SVOP: variants seen among roughly 807,000 people sequenced by gnomAD.
The protein encoded by SVOP is synaptic vesicle 2-related protein.
A neutral mutation model predicts 69.1 loss-of-function variants in SVOP; 17 were observed. That is an observed-to-expected ratio of 0.25 (90% CI 0.17 to 0.37). The LOEUF is 0.37. Ranked by LOEUF, SVOP falls within the 10% of genes least tolerant of loss-of-function variation. The pLI is 1.00. For synonymous variants in SVOP, 238 were observed against 238.6 expected (o/e 1.00, Z 0.02); for missense variants, 435 against 597.5 (o/e 0.73, Z 2.84).
intron 11 of SVOP, among the ~76,000 whole-genome samples, chr12:108,925,073 CT>C (rs979041236): frequency 7.2e-5 from 11 of 152,230 alleles, no homozygotes; most frequent in Non-Finnish European, 1.5e-4. Flanking sequence ...GTAAGGCCCC[CT>C]GATCCTCAAG....
chr12:108,917,125 T>C (rs2039718894), intron 14 of SVOP, among the ~76,000 whole-genome samples: 1 of 152,236 alleles, frequency 6.6e-6, no homozygotes, highest in African/African-American at 2.4e-5. Context: ...TTAGCTAACA[T>C]GTTTTAACAA....
In SVOP at chr12:108,929,289, A is replaced by ATATT. The variant is rs200613000; in HGVS notation, c.1048+4902_1048+4905dup. Among the ~76,000 whole-genome samples the ATATT allele has an allele frequency of 8.0e-3, 1,224 of 152,240 alleles. 25 individuals are homozygous for ATATT. Among genetic ancestry groups the ATATT allele is most frequent in the African/African-American group, 0.028 (1,173 of 41,534 alleles). On this transcript the variant is annotated intron_variant, in intron 11 of 15. Transcript: ENST00000610966. Reference sequence around the variant, plus strand: ...TGCCTTCAGCAATAGTCCTTTTTAAATATTTATTTATTTAGTTAGTTAGTT... The same window carrying ATATT: ...TGCCTTCAGCAATAGTCCTTTTTAAATATTTATTTATTTATTTAGTTAGTTAGTT...
At chr12:108,966,887 G>T (rs2040048673) in intron 5 of SVOP, among the ~76,000 whole-genome samples, 1 of 152,140 alleles carries the variant, frequency 6.6e-6, no homozygotes, top group African/African-American at 2.4e-5. Flanking sequence ...AGCCAGGTGT[G>T]CCTGTATTTC....
intron 1 of SVOP, among the ~76,000 whole-genome samples, chr12:108,984,469 T>G (rs2040157195): frequency 6.9e-6 from 1 of 144,024 alleles, no homozygotes; most frequent in African/African-American, 2.5e-5. Context: ...CCCCAACCCC[T>G]GTTTTAGATG....
In SVOP at chr12:108,962,339, T is replaced by C. The variant is rs149936539; in HGVS notation, c.454-1292A>G. Among the ~76,000 whole-genome samples the C allele has an allele frequency of 3.0e-3, 454 of 152,312 alleles. 2 individuals are homozygous for C. Among genetic ancestry groups the C allele is most frequent in the African/African-American group, 0.01 (429 of 41,572 alleles). Reference sequence around the variant, plus strand: ...TTCTCAAACTCCTGGGATCAAGTGATCCACCCACCTCAGCCTCCCAAAGTG... The same window carrying C: ...TTCTCAAACTCCTGGGATCAAGTGACCCACCCACCTCAGCCTCCCAAAGTG... On this transcript the variant is annotated intron_variant, in intron 5 of 15. Coordinates refer to ENST00000610966, the MANE Select transcript of SVOP (RefSeq NM_018711.5).
At chr12:108,924,237 C>T (rs370384476) in intron 11 of SVOP, among the ~76,000 whole-genome samples, 19 of 152,116 alleles carry the variant, frequency 1.2e-4, no homozygotes, top group South Asian at 1.0e-3. Context: ...GACTTCCCAG[C>T]CCCCCAGGAC....
intron 5 of SVOP, among the ~76,000 whole-genome samples, chr12:108,970,470 G>A (rs2137429313): frequency 6.6e-6 from 1 of 152,278 alleles, no homozygotes; most frequent in East Asian, 1.9e-4. Context: ...TTTATTTTCA[G>A]CCCATGATTT....
chr12:109,010,755 G>A (rs1253348119), intron 1 of SVOP, among the ~76,000 whole-genome samples: 1 of 152,130 alleles, frequency 6.6e-6, no homozygotes, highest in Non-Finnish European at 1.5e-5. Context: ...TCCTGCCTTG[G>A]CCTCCCAAAG....
At chr12:108,931,736 A>G (rs1370996130) in intron 11 of SVOP, among the ~76,000 whole-genome samples, 4 of 152,042 alleles carry the variant, frequency 2.6e-5, no homozygotes. Flanking sequence ...CGGGAGGCTG[A>G]GGCAGGAGAA....
At chr12:109,005,848 G>A (rs1179158525) in intron 1 of SVOP, among the ~76,000 whole-genome samples, 1 of 152,150 alleles carries the variant, frequency 6.6e-6, no homozygotes, top group Admixed American at 6.5e-5. Flanking sequence ...AGGGAACAGA[G>A]GTCAGAGAGA....
In SVOP at chr12:108,964,008, T is replaced by A. The variant is rs138543465; in HGVS notation, c.454-2961A>T. ...TTCCAAAAATATATTACAATTTTTTTATTAGCCCCATGTTACAAGTGATCG... is the reference window on the plus strand; with the variant it reads ...TTCCAAAAATATATTACAATTTTTTAATTAGCCCCATGTTACAAGTGATCG... On this transcript the variant is annotated intron_variant, in intron 5 of 15. Coordinates refer to ENST00000610966, the MANE Select transcript of SVOP (RefSeq NM_018711.5). 8.2e-3 allele frequency among the ~76,000 whole-genome samples: 1,245 copies of A among 152,290 alleles called. 8 individuals are homozygous for A. Among genetic ancestry groups the A allele is most frequent in the South Asian group, 0.021 (102 of 4,824 alleles).
chr12:108,989,050 G>A (rs554788290), intron 1 of SVOP, among the ~76,000 whole-genome samples: 12 of 152,208 alleles, frequency 7.9e-5, no homozygotes, highest in Non-Finnish European at 1.2e-4. Context: ...TGGTATTACA[G>A]GCATGAGCCA....
rs574014160 is a variant in SVOP at position 108,921,160 on chromosome 12, G to A, written c.1157-1374C>T. Among the ~76,000 whole-genome samples, 11 of 152,296 alleles carry A rather than the reference G, an allele frequency of 7.2e-5. 1 individual carries two copies. In the South Asian group the frequency reaches 2.3e-3, roughly 32 times the overall value. On this transcript the variant is annotated intron_variant, in intron 12 of 15. Transcript: ENST00000610966. ...TCCAGTTACAGAAATGTCATGTAAT[G>A]TGACTTTCTTAAAGTCACAGAAATG...
intron 1 of SVOP, among the ~76,000 whole-genome samples, 198 bp from the exon 2 acceptor site, chr12:108,983,959 C>T (rs2040154952): frequency 6.6e-6 from 1 of 152,146 alleles, no homozygotes; most frequent in Non-Finnish European, 1.5e-5. Flanking sequence ...TCAGGACTGC[C>T]ATATACAGTT....
chr12:108,962,427 T>G (rs2040023039), intron 5 of SVOP, among the ~76,000 whole-genome samples: 2 of 152,164 alleles, frequency 1.3e-5, no homozygotes, highest in Admixed American at 1.3e-4. Flanking sequence ...CGTGAATGAC[T>G]AGGTTATTTT....
Position 109,020,758 on chromosome 12 carries a change from C to G in SVOP, c.35+76G>C. ...CAAGAAACCATGCAGAGATGTACCC[C>G]CCCCCACCCCCCTTGCAGGTTTTCG... On this transcript the variant is annotated intron_variant, in intron 1 of 15. Transcript: ENST00000610966. 1.4e-5 allele frequency: 4 copies of G among 293,768 alleles called. 2 individuals carry two copies. The highest frequency in any genetic ancestry group is 9.6e-5 in the Admixed American group (2 of 20,760). The allele number at this position is 293,768 out of a possible 1,614,324, so 18.2% of individuals were successfully genotyped here.
At chr12:108,968,744 T>TTGTG (rs554473073) in intron 5 of SVOP, among the ~76,000 whole-genome samples, 4,141 of 149,176 alleles carry the variant, frequency 0.028, 76 homozygotes, top group Middle Eastern at 0.052. Flanking sequence ...TGTTTGTCTT[T>TTGTG]TGTGTGTGTG....
chr12:108,965,735 T>G (rs1177767702), intron 5 of SVOP, among the ~76,000 whole-genome samples: 1 of 152,084 alleles, frequency 6.6e-6, no homozygotes, highest in Non-Finnish European at 1.5e-5. Flanking sequence ...CCTGTGGTAT[T>G]CTCTAACACG....
chr12:108,963,659 G>A (rs1316881402), intron 5 of SVOP, among the ~76,000 whole-genome samples: 3 of 151,974 alleles, frequency 2.0e-5, no homozygotes, highest in Non-Finnish European at 4.4e-5. Context: ...GCTAATTTTT[G>A]TACTTTTGGT....
Sources: allele counts gnomAD v4.1 joint callset (sites outside exome capture counted in the v4.1 genomes callset), GRCh38; gene constraint gnomAD v4.1.1; transcripts MANE v1.5; gene names NCBI Gene and HGNC (gene_info 2026-07-23, HGNC 2026-07-21).